Variants in OXR1 observed in about 807,000 individuals in gnomAD.
The protein encoded by OXR1 is oxidation resistance protein 1.
Under a neutral mutation model 104.6 loss-of-function variants are expected in OXR1, and 41 were observed. That is an observed-to-expected ratio of 0.39 (90% CI 0.31 to 0.51). The LOEUF is 0.51. Among genes scored for constraint, OXR1 ranks in the 20% least tolerant of loss-of-function variants. The pLI, the probability that OXR1 is intolerant of heterozygous loss-of-function variation, is 0.77. For missense variants in OXR1, 955 were observed against 1,031.9 expected, an observed-to-expected ratio of 0.93 and a Z score of 1.02; for synonymous variants, 348 against 348.4, an observed-to-expected ratio of 1.00 and a Z score of 0.01.
intron 15 of OXR1, among the ~76,000 whole-genome samples, chr8:106,743,361 G>A (rs890140844): frequency 3.3e-5 from 5 of 152,102 alleles, no homozygotes; most frequent in South Asian, 4.1e-4. Context: ...TTGCTGTGTC[G>A]CCCAGGCTGG....
intron 3 of OXR1, among the ~76,000 whole-genome samples, chr8:106,573,502 A>G (rs1389652860): frequency 1.3e-5 from 2 of 152,200 alleles, no homozygotes; most frequent in Non-Finnish European, 2.9e-5. Context: ...GCTCAGAAAC[A>G]CTGGTCAAAT....
At chr8:106,664,724 T>C (rs1487593895) in intron 3 of OXR1, among the ~76,000 whole-genome samples, 1 of 152,222 alleles carries the variant, frequency 6.6e-6, no homozygotes, top group African/African-American at 2.4e-5. Flanking sequence ...GAACTTAACA[T>C]TTATTATATT....
At chr8:106,337,562 C>T (rs549913884) in intron 1 of OXR1, among the ~76,000 whole-genome samples, 7 of 152,260 alleles carry the variant, frequency 4.6e-5, no homozygotes, top group Non-Finnish European at 8.8e-5. Context: ...TTTATGTTGT[C>T]CCCATAGGAA....
At chr8:106,468,357 A>G (rs1821294100) in intron 2 of OXR1, among the ~76,000 whole-genome samples, 1 of 151,888 alleles carries the variant, frequency 6.6e-6, no homozygotes, top group Non-Finnish European at 1.5e-5. Context: ...TGAGGTGCCA[A>G]CATTTGAGCG....
At chr8:106,700,841 C>T (rs1404136979) in intron 7 of OXR1, among the ~76,000 whole-genome samples, 1 of 151,796 alleles carries the variant, frequency 6.6e-6, no homozygotes, top group Non-Finnish European at 1.5e-5. Flanking sequence ...TGGAGAGTAA[C>T]CTGAAGTGTT....
intron 7 of OXR1, among the ~76,000 whole-genome samples, chr8:106,697,199 C>A (rs1180846900): frequency 6.6e-6 from 1 of 152,072 alleles, no homozygotes; most frequent in African/African-American, 2.4e-5. Flanking sequence ...AAAGAAGAGG[C>A]CAGTTGGTCC....
At chr8:106,736,084 C>G (rs536189038) in intron 11 of OXR1, among the ~76,000 whole-genome samples, 1 of 152,130 alleles carries the variant, frequency 6.6e-6, no homozygotes, top group South Asian at 2.1e-4. Flanking sequence ...TCACATAAAA[C>G]CAGATTTGAT....
At chr8:106,347,710 T>C (rs1485982366) in intron 1 of OXR1, among the ~76,000 whole-genome samples, 1 of 152,210 alleles carries the variant, frequency 6.6e-6, no homozygotes, top group Non-Finnish European at 1.5e-5. Context: ...AAAATACCTA[T>C]AAATGATTAA....
At chr8:106,496,562 A>G (rs1811423489) in intron 2 of OXR1, among the ~76,000 whole-genome samples, 1 of 152,204 alleles carries the variant, frequency 6.6e-6, no homozygotes, top group Admixed American at 6.5e-5. Flanking sequence ...CAGGATAGAA[A>G]GAGAGCTGGA....
At chr8:106,412,253 G>A (rs1341217203) in intron 2 of OXR1, among the ~76,000 whole-genome samples, 2 of 151,972 alleles carry the variant, frequency 1.3e-5, no homozygotes, top group African/African-American at 4.8e-5. Context: ...GTGCCAATAG[G>A]AGGTTTACTC....
At chr8:106,413,820 T>C (rs1030400025) in intron 2 of OXR1, among the ~76,000 whole-genome samples, 1 of 151,632 alleles carries the variant, frequency 6.6e-6, no homozygotes, top group African/African-American at 2.4e-5. Context: ...ACCTCCTGGG[T>C]TGGAGCAATT....
chr8:106,607,730 A>C (rs1323667473), intron 3 of OXR1, among the ~76,000 whole-genome samples: 1 of 152,148 alleles, frequency 6.6e-6, no homozygotes, highest in Admixed American at 6.5e-5. Context: ...GTGCTTAGAC[A>C]TTTTGCATAC....
intron 2 of OXR1, among the ~76,000 whole-genome samples, chr8:106,416,425 A>G (rs1818680746): frequency 6.6e-6 from 1 of 152,142 alleles, no homozygotes. Context: ...TTTCTTTGAA[A>G]AAATAAAAGG....
At chr8:106,385,463 A>G (rs1242766034) in intron 2 of OXR1, among the ~76,000 whole-genome samples, 1 of 152,190 alleles carries the variant, frequency 6.6e-6, no homozygotes, top group Non-Finnish European at 1.5e-5. Flanking sequence ...ATTTCCTATA[A>G]TATAACTTAT....
At chr8:106,597,821 C>T (rs1474246681) in intron 3 of OXR1, among the ~76,000 whole-genome samples, 3 of 152,162 alleles carry the variant, frequency 2.0e-5, no homozygotes, top group African/African-American at 7.2e-5. Context: ...CTGGCTTCTG[C>T]TTCATTTCCA....
chr8:106,486,053 T>C (rs752829613), intron 2 of OXR1, among the ~76,000 whole-genome samples: 45 of 152,152 alleles, frequency 3.0e-4, no homozygotes, highest in Admixed American at 5.2e-4. Flanking sequence ...TTGTACAACA[T>C]GGTGACTATA....
intron 5 of OXR1, among the ~76,000 whole-genome samples, chr8:106,683,595 A>G (rs1305189582): frequency 6.6e-6 from 1 of 152,208 alleles, no homozygotes; most frequent in Non-Finnish European, 1.5e-5. Flanking sequence ...TTACTTTATC[A>G]AAGTAAGGCA....
chr8:106,274,688 T>C (rs1207194902), intron 1 of OXR1, among the ~76,000 whole-genome samples: 1 of 148,592 alleles, frequency 6.7e-6, no homozygotes, highest in Non-Finnish European at 1.5e-5. Context: ...TTTGTACCTG[T>C]CTTGGAAAAA....
At chr8:106,478,599 A>C (rs922033564) in intron 2 of OXR1, among the ~76,000 whole-genome samples, 1 of 151,810 alleles carries the variant, frequency 6.6e-6, no homozygotes, top group Non-Finnish European at 1.5e-5. Context: ...TTTAGAGATA[A>C]ATACTGGACT....
Sources: gnomAD v4.1 joint callset for allele counts (sites outside exome capture counted in the v4.1 genomes callset) on GRCh38, gnomAD v4.1.1 for gene constraint, MANE v1.5 for transcripts, NCBI Gene and HGNC (gene_info 2026-07-23, HGNC 2026-07-21) for gene names.